Variants in SLC23A3 observed in about 807,000 individuals in gnomAD.
The protein encoded by SLC23A3 is E2-binding protein 3.
Under a neutral mutation model 64.7 loss-of-function variants are expected in SLC23A3, and 41 were observed. The observed-to-expected ratio is 0.63, with a 90% CI of 0.49 to 0.82. SLC23A3 has a LOEUF of 0.82. Ranked by LOEUF, SLC23A3 falls within the 40% of genes least tolerant of loss-of-function variation. SLC23A3 has a pLI of 0.00. For synonymous variants in SLC23A3, 281 were observed against 306.8 expected, an observed-to-expected ratio of 0.92 and a Z score of 0.88; for missense variants, 647 against 733.4, an observed-to-expected ratio of 0.88 and a Z score of 1.36.
intron 9 of SLC23A3, 112 bp downstream of exon 9, chr2:219,164,113 TCCATCCAC>T: frequency 1.5e-6 from 1 of 671,310 alleles, no homozygotes; most frequent in Non-Finnish European, 2.6e-6. Context: ...CATCCATCCA[TCCATCCAC>T]CCATCCATCC....
intron 8 of SLC23A3, 183 bp from the exon 9 acceptor site, chr2:219,164,521 G>T: frequency 1.9e-6 from 1 of 522,734 alleles, no homozygotes; most frequent in Non-Finnish European, 3.4e-6. Flanking sequence ...TTTTTATATA[G>T]CACTTATTGC....
Position 219,168,209 on chromosome 2 carries a change from A to G in SLC23A3, c.784T>C (p.Phe262Leu). The change falls in exon 6 of 12, where the codon TTC (phenylalanine) becomes CTC (leucine). Residue 262 changes from phenylalanine to leucine, a missense_variant. Physicochemically the swap from Phe to Leu is conservative, Grantham distance 22 (BLOSUM62 0). Transcript: ENST00000409878. ...TSSTHTPLPV[F>L]RLLSVLIPVA... ...CCCACACATACCGAAAGGAGCCGGA[A>G]GACAGGGAGAGGAGTGTGAGTTGAT... is the stretch of plus-strand genomic sequence containing the variant. 1.2e-6 allele frequency: 2 copies of G among 1,614,054 alleles called. No individual in the cohort carries two copies. The highest frequency in any genetic ancestry group is 1.7e-6 in the Non-Finnish European group (2 of 1,179,950).
intron 8 of SLC23A3, 79 bp downstream of exon 8, chr2:219,165,090 A>G: frequency 6.7e-7 from 1 of 1,493,890 alleles, no homozygotes; most frequent in Non-Finnish European, 9.0e-7. Context: ...CACACCTGGC[A>G]ATCAATCGGT....
chr2:219,169,210 C>T lies in SLC23A3; in HGVS notation c.418+99G>A, dbSNP rs1418966421. On this transcript the variant is annotated intron_variant, in intron 3 of 11. Transcript: ENST00000409878. The surrounding 1 kb of genome is among the most constrained non-coding windows in gnomAD (Gnocchi z 4.5). ...TCCAAGCCCCCTATAGTGTCACAGT[C>T]TCACCACTGCCCAATCTCAATTCTG... The T allele has an allele frequency of 1.2e-6, 2 of 1,610,198 alleles. No homozygotes were observed. The highest frequency in any genetic ancestry group is 4.5e-5 in the East Asian group (2 of 44,870).
chr2:219,163,468 A>T lies in SLC23A3; in HGVS notation c.1361T>A (p.Ile454Asn). Residue 454 changes from isoleucine to asparagine, a missense_variant, in exon 10 of 12, where the codon ATC (isoleucine) becomes AAC (asparagine). Ile to Asn is a moderately radical substitution (Grantham distance 149, BLOSUM62 -3). Transcript: ENST00000409878. ...YLADIDSGRN[I>N]FIVGFSIFMA... ...GAAGATGGAGAAGCCCACAATGAAG[A>T]TATTTCGCCCAGAGTCTATGTCAGC... 1 of 1,614,190 alleles carries T rather than the reference A, an allele frequency of 6.2e-7. No individual in the cohort carries two copies.
Position 219,169,101 on chromosome 2 carries a change from G to A in SLC23A3, c.420C>T (p.Ser140=), listed in dbSNP as rs1271640609. 1 of 1,614,052 alleles carries A rather than the reference G, an allele frequency of 6.2e-7. No homozygotes were observed. Among genetic ancestry groups the A allele is most frequent in the Admixed American group, 1.7e-5 (1 of 60,020 alleles). ...CCCTACAAAGGTGCAGCATGAGGGA[G>A]GCTAGGAAAAGTTTGGGGCATGGAG... is the stretch of plus-strand genomic sequence containing the variant. The part of the protein sequence containing the change: ...LPRAIQTPGN[S]SLMLHLCRGP... The change falls in exon 4 of 12, where the codon TCC becomes TCT. Residue 140 remains serine, a splice_region_variant and synonymous_variant. Coordinates refer to ENST00000409878, the MANE Select transcript of SLC23A3 (RefSeq NM_001144889.2). This position sits in a 1 kb window ranked among gnomAD's most constrained non-coding sequence, Gnocchi z 4.5.
At chr2:219,164,732 G>A (rs963549789) in intron 8 of SLC23A3, 35 of 233,854 alleles carry the variant, frequency 1.5e-4, no homozygotes, top group African/African-American at 7.7e-4. Context: ...GCTAATTTTT[G>A]TATTTTTAGT....
rs780310109 is a variant in SLC23A3, at chr2:219,164,311, C to G, written c.1195G>C (p.Val399Leu). ...CCAAGCCCCACGCAGAGTAGCCCCA[C>G]TAAGTGAGCCACTTGCTGAGATCCA... The part of the protein sequence containing the change: ...QAGSQQVAHL[V>L]GLLCVGLGLS... The change falls in exon 9 of 12, where the codon GTG (valine) becomes CTG (leucine). Residue 399 changes from valine to leucine, a missense_variant. By Grantham distance (32) the Val-to-Leu change is conservative. Coordinates refer to ENST00000409878, the MANE Select transcript of SLC23A3 (RefSeq NM_001144889.2). 3 of 1,605,344 alleles carry G rather than the reference C, an allele frequency of 1.9e-6. No individual in the cohort carries two copies. The South Asian group carries it at 3.4e-5, about 18-fold the overall frequency.
chr2:219,169,165 A>G lies in SLC23A3; in HGVS notation c.419-63T>C, dbSNP rs1014753500. 6.2e-7 allele frequency: 1 copy of G among 1,603,714 alleles called. No homozygotes were observed. Among genetic ancestry groups the G allele is most frequent in the East Asian group, 2.2e-5 (1 of 44,818 alleles). On this transcript the variant is annotated intron_variant, in intron 3 of 11. Transcript: ENST00000409878. The surrounding 1 kb of genome is among the most constrained non-coding windows in gnomAD (Gnocchi z 4.5). ...ATGGAATGGAGACCCATTGCTCTACAGTCCCACTCCTGGCACAGGTCCAAG... is the reference window on the plus strand; with the variant it reads ...ATGGAATGGAGACCCATTGCTCTACGGTCCCACTCCTGGCACAGGTCCAAG...
chr2:219,166,495 C>CTATTT (rs542144913), intron 7 of SLC23A3, among the ~76,000 whole-genome samples: 16 of 151,878 alleles, frequency 1.1e-4, no homozygotes, highest in South Asian at 2.1e-4. Flanking sequence ...TGGTGCCTGG[C>CTATTT]TATTTTATTT....
chr2:219,163,286 T>C (rs1420978739), intron 10 of SLC23A3, 102 bp downstream of exon 10: 1 of 1,161,876 alleles, frequency 8.6e-7, no homozygotes, highest in Non-Finnish European at 1.2e-6. Flanking sequence ...ATGAAGTATT[T>C]ACACCAAAGC....
In SLC23A3 at chr2:219,162,435, C is replaced by G. The variant is rs377521505; in HGVS notation, c.1442-41G>C. On this transcript the variant is annotated intron_variant, in intron 10 of 11. Coordinates refer to ENST00000409878, the MANE Select transcript of SLC23A3 (RefSeq NM_001144889.2). ...GCCAGGCAGGAAGGGAACTCTGATC[C>G]TATATCCAAGCCCAGGAGTCTTACC... is the stretch of plus-strand genomic sequence containing the variant. The G allele has an allele frequency of 4.9e-5, 73 of 1,493,226 alleles. No homozygotes were observed. In the African/African-American group the frequency reaches 6.7e-4, roughly 14 times the overall value. The allele number at this position is 1,493,226 out of a possible 1,614,324, so 92.5% of individuals were successfully genotyped here.
At position 219,169,957 on chromosome 2, in the gene SLC23A3, G is replaced by A. The variant is rs370795660; in HGVS notation, c.28C>T (p.Gln10Ter). The A allele has an allele frequency of 1.9e-5, 30 of 1,613,956 alleles. No individual in the cohort carries two copies. The African/African-American group carries it at 3.9e-4, about 21-fold the overall frequency. Residue 10 changes from glutamine to a stop codon, truncating the protein, a stop_gained, in exon 1 of 12, where the codon CAA becomes TAA. Transcript: ENST00000409878. LOFTEE classifies it high-confidence loss of function. The surrounding 1 kb of genome is among the most constrained non-coding windows in gnomAD (Gnocchi z 4.5). MSRSPLNPS[Q>*]LRSVGSQDAL... ...TCCTGGGAGCCCACTGATCGGAGTTGGCTGGGATTGAGGGGTGATCGGCTC... is the reference window on the plus strand; with the variant it reads ...TCCTGGGAGCCCACTGATCGGAGTTAGCTGGGATTGAGGGGTGATCGGCTC...
intron 8 of SLC23A3, 75 bp from the exon 9 acceptor site, chr2:219,164,413 T>C: frequency 1.0e-6 from 1 of 965,774 alleles, no homozygotes; most frequent in Non-Finnish European, 1.6e-6. Flanking sequence ...ACTGGTTCCT[T>C]CTCATCATTT....
intron 7 of SLC23A3, among the ~76,000 whole-genome samples, chr2:219,166,259 A>T (rs1950004549): frequency 6.6e-6 from 1 of 152,196 alleles, no homozygotes; most frequent in South Asian, 2.1e-4. Flanking sequence ...GCAGTAATGC[A>T]ATCATAGCTC....
intron 7 of SLC23A3, 138 bp from the exon 8 acceptor site, chr2:219,165,560 T>G: frequency 9.2e-7 from 1 of 1,081,658 alleles, no homozygotes; most frequent in Non-Finnish European, 1.3e-6. Context: ...TACTGAACTC[T>G]AAGGAGAAAG....
chr2:219,165,055 A>T, intron 8 of SLC23A3, 114 bp downstream of exon 8: 1 of 1,357,538 alleles, frequency 7.4e-7, no homozygotes, highest in Non-Finnish European at 9.9e-7. Context: ...CTCCCCAAGT[A>T]AGATAGTTGA....
At chr2:219,165,539 TG>T in intron 7 of SLC23A3, 117 bp from the exon 8 acceptor site, 2 of 1,264,736 alleles carry the variant, frequency 1.6e-6, no homozygotes, top group South Asian at 1.5e-5. Flanking sequence ...GACAATGTCT[TG>T]GGACAAAACT....
rs1949981418 is a variant in SLC23A3 at position 219,164,248 on chromosome 2, G to A, written c.1258C>T (p.Pro420Ser). 4 of 1,607,750 alleles carry A rather than the reference G, an allele frequency of 2.5e-6. No homozygotes were observed. The East Asian group carries it at 6.7e-5, about 27-fold the overall frequency. Residue 420 changes from proline (P) to serine (S), a missense_variant, in exon 9 of 12, where the codon CCA (proline) becomes TCA (serine). Coordinates refer to ENST00000409878, the MANE Select transcript of SLC23A3 (RefSeq NM_001144889.2). ...ATCCACTCACCAACAACAGGCAGTGGGATGGTGGTGAGGAGCTGAGCCAAC... is the reference window on the plus strand; with the variant it reads ...ATCCACTCACCAACAACAGGCAGTGAGATGGTGGTGAGGAGCTGAGCCAAC... ...PRLAQLLTTIPLPVVGGVLGV... is the reference protein window; with the variant it reads ...PRLAQLLTTISLPVVGGVLGV...
Sources: gnomAD v4.1 joint callset for allele counts (sites outside exome capture counted in the v4.1 genomes callset) on GRCh38, gnomAD v4.1.1 for gene constraint, Gnocchi (gnomAD v3.1) non-coding constraint, MANE v1.5 for transcripts, NCBI Gene and HGNC (gene_info 2026-07-23, HGNC 2026-07-21) for gene names.